Variants in SFMBT2 observed in about 807,000 individuals in gnomAD.
The protein encoded by SFMBT2 is Scm like with four mbt domains 2.
Under a neutral mutation model 110.1 loss-of-function variants are expected in SFMBT2, and 38 were observed. That is an observed-to-expected ratio of 0.35 (90% CI 0.27 to 0.45). The LOEUF (loss-of-function observed/expected upper bound fraction) is 0.45. Ranked by LOEUF, SFMBT2 falls within the 20% of genes least tolerant of loss-of-function variation. The pLI, the probability that SFMBT2 is intolerant of heterozygous loss-of-function variation, is 1.00. For synonymous variants in SFMBT2, 425 were observed against 425.4 expected, an observed-to-expected ratio of 1.00 and a Z score of 0.01; for missense variants, 1,011 against 1,094.9, an observed-to-expected ratio of 0.92 and a Z score of 1.08.
chr10:7,191,685 T>C (rs950787130), intron 15 of SFMBT2, among the ~76,000 whole-genome samples: 3 of 152,222 alleles, frequency 2.0e-5, no homozygotes, highest in Admixed American at 1.3e-4. Flanking sequence ...GCTTATTTGT[T>C]CACCATCCAC....
chr10:7,368,632 T>C (rs543793031), intron 3 of SFMBT2, among the ~76,000 whole-genome samples: 1 of 152,250 alleles, frequency 6.6e-6, no homozygotes, highest in African/African-American at 2.4e-5. Flanking sequence ...GGTGGAAGGA[T>C]TGACTGAATC....
At chr10:7,276,703 T>C (rs1429781298) in intron 7 of SFMBT2, among the ~76,000 whole-genome samples, 189 bp downstream of exon 7, 2 of 152,140 alleles carry the variant, frequency 1.3e-5, no homozygotes, top group Non-Finnish European at 2.9e-5. Context: ...AATTTTTGTA[T>C]TTTTAGTAGA....
chr10:7,292,801 A>C (rs1842299047), intron 4 of SFMBT2, among the ~76,000 whole-genome samples: 1 of 152,028 alleles, frequency 6.6e-6, no homozygotes, highest in Admixed American at 6.6e-5. Flanking sequence ...CGGATCACCT[A>C]AGGCCAGGAG....
At chr10:7,404,922 T>C (rs965513894) in intron 1 of SFMBT2, among the ~76,000 whole-genome samples, 3 of 152,256 alleles carry the variant, frequency 2.0e-5, no homozygotes, top group Non-Finnish European at 4.4e-5. Flanking sequence ...TGACACATTC[T>C]TTCTTATACT....
At chr10:7,365,317 C>T (rs1008731330) in intron 4 of SFMBT2, among the ~76,000 whole-genome samples, 2 of 152,202 alleles carry the variant, frequency 1.3e-5, no homozygotes, top group African/African-American at 4.8e-5. Context: ...TGAAGGAGAG[C>T]GCACGTGCTT....
chr10:7,269,825 CTCT>C (rs1426558020), intron 7 of SFMBT2, among the ~76,000 whole-genome samples: 5 of 82,440 alleles, frequency 6.1e-5, no homozygotes, highest in African/African-American at 1.7e-4. Flanking sequence ...GAGAAGATTT[CTCT>C]TTTTTTTTTT....
intron 4 of SFMBT2, among the ~76,000 whole-genome samples, chr10:7,287,109 T>A (rs1195855053): frequency 2.5e-5 from 3 of 117,984 alleles, no homozygotes; most frequent in Non-Finnish European, 5.0e-5. Flanking sequence ...TGAGACAGAG[T>A]CTCGCTCTTT....
At chr10:7,192,316 TCCTCAATACGAGATCGTCATTCCTACTC>T (rs1485441707) in intron 15 of SFMBT2, among the ~76,000 whole-genome samples, 1 of 152,086 alleles carries the variant, frequency 6.6e-6, no homozygotes, top group Non-Finnish European at 1.5e-5. Flanking sequence ...CATGGAAAAG[TCCTCAATACGAGATCGTCATTCCTACTC>T]CCTCAACACC....
intron 4 of SFMBT2, among the ~76,000 whole-genome samples, chr10:7,342,649 TG>T (rs1257267801): frequency 6.6e-6 from 1 of 152,028 alleles, no homozygotes; most frequent in Non-Finnish European, 1.5e-5. Context: ...CGCCCGCCTC[TG>T]CCTCCCAAAG....
chr10:7,379,829 T>C (rs1161549673), intron 2 of SFMBT2, among the ~76,000 whole-genome samples: 2 of 152,192 alleles, frequency 1.3e-5, no homozygotes, highest in Admixed American at 6.5e-5. Context: ...AAGGATATAA[T>C]GATTCTCGCT....
At position 7,169,556 on chromosome 10, in the gene SFMBT2, A is replaced by G. The variant is rs1837808660; in HGVS notation, c.2544+1372T>C. Among the ~76,000 whole-genome samples, 5 of 152,336 alleles carry G rather than the reference A, an allele frequency of 3.3e-5. No individual in the cohort carries two copies. The South Asian group carries it at 1.0e-3, about 32-fold the overall frequency. On this transcript the variant is annotated intron_variant, in intron 20 of 20. Transcript: ENST00000397167. ...AGACTACTGATTTATATGATCTAAA[A>G]AGAGACTGAATAAACCTATCTTTAA...
chr10:7,391,564 G>A (rs532474519), intron 1 of SFMBT2, among the ~76,000 whole-genome samples: 78 of 152,050 alleles, frequency 5.1e-4, no homozygotes, highest in African/African-American at 1.8e-3. Flanking sequence ...CCACCCAGGT[G>A]ACTGCAAAAT....
At chr10:7,220,586 C>T (rs1276902783) in intron 10 of SFMBT2, 49 bp from the exon 11 acceptor site, 5 of 1,605,332 alleles carry the variant, frequency 3.1e-6, no homozygotes, top group Admixed American at 3.4e-5. Flanking sequence ...CGCAGCAGGA[C>T]AAAGCTGGGC....
chr10:7,174,285 A>G (rs1304427852), intron 17 of SFMBT2, among the ~76,000 whole-genome samples: 1 of 152,234 alleles, frequency 6.6e-6, no homozygotes, highest in African/African-American at 2.4e-5. Context: ...CAAATGAGCA[A>G]GCCTCTGTCC....
At chr10:7,216,263 A>T (rs780978589) in intron 11 of SFMBT2, among the ~76,000 whole-genome samples, 1 of 152,172 alleles carries the variant, frequency 6.6e-6, no homozygotes, top group Non-Finnish European at 1.5e-5. Context: ...CTTGAATTGT[A>T]GCTCCCCAAA....
At chr10:7,220,387 C>T in intron 11 of SFMBT2, 24 bp downstream of exon 11, 1 of 1,609,812 alleles carries the variant, frequency 6.2e-7, no homozygotes, top group Non-Finnish European at 8.5e-7. Context: ...CCCCCAGCGA[C>T]TGCTACCCCC....
intron 6 of SFMBT2, among the ~76,000 whole-genome samples, chr10:7,279,993 CA>C (rs1841903831): frequency 6.6e-6 from 1 of 152,188 alleles, no homozygotes; most frequent in Non-Finnish European, 1.5e-5. Flanking sequence ...GCCCTAACCC[CA>C]AAGGGATGCC....
chr10:7,215,632 G>C, intron 11 of SFMBT2: 1 of 985,360 alleles, frequency 1.0e-6, no homozygotes, highest in Non-Finnish European at 1.2e-6. Flanking sequence ...CATCCATGGA[G>C]GCAGGGCCCC....
Position 7,188,721 on chromosome 10 carries a change from T to A in SFMBT2, c.1711A>T (p.Ile571Leu). The change falls in exon 16 of 21, where the codon ATA (isoleucine) becomes TTA (leucine). Residue 571 changes from isoleucine (I) to leucine (L), a missense_variant. Physicochemically the swap from Ile to Leu is conservative, Grantham distance 5. Transcript: ENST00000397167. ...VLVLKEVLSM[I>L]INAAYKPGRV... ...CCAGGCTTGTAGGCTGCGTTGATTATCATGCTAAGAACCTTTTGGGGAAAA... is the reference window on the plus strand; with the variant it reads ...CCAGGCTTGTAGGCTGCGTTGATTAACATGCTAAGAACCTTTTGGGGAAAA... The A allele has an allele frequency of 6.2e-7, 1 of 1,612,564 alleles. No homozygotes were observed. Among genetic ancestry groups the A allele is most frequent in the Non-Finnish European group, 8.5e-7 (1 of 1,179,192 alleles).
Sources: gnomAD v4.1 joint callset for allele counts (sites outside exome capture counted in the v4.1 genomes callset) on GRCh38, gnomAD v4.1.1 for gene constraint, MANE v1.5 for transcripts, NCBI Gene and HGNC (gene_info 2026-07-23, HGNC 2026-07-21) for gene names.